The following HSPA12A variants were observed in gnomAD, a reference collection of about 807,000 sequenced individuals.
HSPA12A encodes the protein heat shock protein family A (Hsp70) member 12A, also known as heat shock 70 kDa protein 12A.
In HSPA12A, 28 loss-of-function variants were observed where a neutral mutation model predicts 69.2. The ratio of observed to expected loss-of-function variants is 0.40; its 90% CI spans 0.30 to 0.55. HSPA12A has a LOEUF of 0.55. Ranked by LOEUF, HSPA12A falls within the 20% of genes least tolerant of loss-of-function variation. HSPA12A has a pLI of 0.38. For missense variants in HSPA12A, 686 were observed against 900.7 expected (o/e 0.76, Z 3.05); for synonymous variants, 345 against 370.5 (o/e 0.93, Z 0.79).
chr10:116,836,295 G>C (rs1845709376), intron 1 of HSPA12A, among the ~76,000 whole-genome samples: 1 of 152,110 alleles, frequency 6.6e-6, no homozygotes, highest in Non-Finnish European at 1.5e-5. Context: ...TGCTAGGGAG[G>C]TTTAGACCTG....
chr10:116,829,213 A>C (rs1299117683), intron 2 of HSPA12A: 1 of 152,390 alleles, frequency 6.6e-6, no homozygotes. Context: ...AGTTTTATAA[A>C]TGGGAGTTTC....
At chr10:116,725,795 T>A (rs565212495) in intron 1 of HSPA12A, among the ~76,000 whole-genome samples, 6 of 152,198 alleles carry the variant, frequency 3.9e-5, no homozygotes, top group African/African-American at 1.4e-4. Context: ...TTCTGCCTCA[T>A]CGCTAATATT....
At chr10:116,822,843 A>C (rs1422658982) in intron 2 of HSPA12A, among the ~76,000 whole-genome samples, 1 of 152,206 alleles carries the variant, frequency 6.6e-6, no homozygotes, top group Non-Finnish European at 1.5e-5. Context: ...GACTAGAAGC[A>C]ATGGCCTGGA....
chr10:116,707,149 G>A lies in HSPA12A; in HGVS notation c.126+51C>T, dbSNP rs576338752. The stretch of plus-strand genomic sequence containing the variant: ...CGCACGTGTGCTCATGCGCACCCAT[G>A]CGCGCACACACACACACACACACAC... On this transcript the variant is annotated intron_variant, in intron 2 of 11. Coordinates refer to ENST00000369209, the MANE Select transcript of HSPA12A (RefSeq NM_025015.3). The A allele has an allele frequency of 2.0e-4, 89 of 446,538 alleles. No individual in the cohort carries two copies. The African/African-American group carries it at 2.8e-3, about 14-fold the overall frequency. 27.7% of individuals were successfully genotyped at this position (446,538 alleles called of 1,614,324 possible).
At chr10:116,835,982 T>C (rs1173920911) in intron 1 of HSPA12A, among the ~76,000 whole-genome samples, 4 of 151,994 alleles carry the variant, frequency 2.6e-5, no homozygotes, top group South Asian at 2.1e-4. Flanking sequence ...TAACAGTAAA[T>C]GGGGAAAGAG....
In HSPA12A at chr10:116,711,418, T is replaced by C. The variant is rs966121338; in HGVS notation, c.41-4133A>G. On this transcript the variant is annotated intron_variant, in intron 1 of 11. Transcript: ENST00000369209. ...GAAAATCCAGACCCTTCTGTGGAGG[T>C]AGAGAAGGAAGATTGCTAAAAGACA... Among the ~76,000 whole-genome samples the C allele has an allele frequency of 3.3e-5, 5 of 151,950 alleles. No individual in the cohort carries two copies. In the South Asian group the frequency reaches 8.3e-4, roughly 25 times the overall value.
At chr10:116,779,162 T>G (rs1164466433) in intron 2 of HSPA12A, among the ~76,000 whole-genome samples, 2 of 152,224 alleles carry the variant, frequency 1.3e-5, no homozygotes, top group African/African-American at 2.4e-5. Context: ...GTTGCTTCCC[T>G]TCGCAACATC....
rs544026793 is a variant in HSPA12A at position 116,824,924 on chromosome 10, A to G, written c.91+10011T>C. ...TGGGATTACAGGCATAAGCCACAGT[A>G]CCCGGCTAATCCCAGCACTTTGGAA... On this transcript the variant is annotated intron_variant, in intron 2 of 12. Transcript: ENST00000635765. 8.8e-4 allele frequency among the ~76,000 whole-genome samples: 133 copies of G among 151,602 alleles called. 2 individuals are homozygous for G. In the South Asian group the frequency reaches 0.026, roughly 30 times the overall value.
At chr10:116,778,331 T>C (rs1392802806) in intron 2 of HSPA12A, among the ~76,000 whole-genome samples, 1 of 152,218 alleles carries the variant, frequency 6.6e-6, no homozygotes, top group Non-Finnish European at 1.5e-5. Context: ...GCACTGACTA[T>C]TCCCCCCAAA....
At chr10:116,810,902 AT>A (rs996734757) in intron 2 of HSPA12A, among the ~76,000 whole-genome samples, 3 of 152,212 alleles carry the variant, frequency 2.0e-5, no homozygotes, top group African/African-American at 7.2e-5. Context: ...CATGCTAGGG[AT>A]TTAAGACACA....
intron 6 of HSPA12A, among the ~76,000 whole-genome samples, chr10:116,689,231 A>G (rs1554879842): frequency 5.5e-5 from 1 of 18,344 alleles, no homozygotes; most frequent in African/African-American, 2.6e-4. Context: ...GTTCAAGTTC[A>G]GCCCCCACCA....
intron 1 of HSPA12A, among the ~76,000 whole-genome samples, chr10:116,730,224 A>G (rs1554885540): frequency 6.6e-6 from 1 of 152,144 alleles, no homozygotes; most frequent in East Asian, 1.9e-4. Context: ...TTGACTGCAC[A>G]TGTTTTATGT....
rs1288752173 is a variant in HSPA12A, at chr10:116,686,437, T to G, written c.664-2475A>C. 6.6e-6 allele frequency among the ~76,000 whole-genome samples: 1 copy of G among 152,148 alleles called. No homozygotes were observed. Among genetic ancestry groups the G allele is most frequent in the African/African-American group, 2.4e-5 (1 of 41,420 alleles). On this transcript the variant is annotated intron_variant, in intron 6 of 11. Transcript: ENST00000369209. This position sits in a 1 kb window ranked among gnomAD's most constrained non-coding sequence, Gnocchi z 4.1. The stretch of plus-strand genomic sequence containing the variant: ...AAGGGACAACTTGCTGCAAAGAAAC[T>G]GCCAGGCCTGTATGTATACAATTCT...
intron 2 of HSPA12A, among the ~76,000 whole-genome samples, chr10:116,757,598 C>T (rs1554888899): frequency 6.6e-6 from 1 of 152,188 alleles, no homozygotes. Context: ...AGGCTGAAAC[C>T]AGGAAGAAAG....
intron 1 of HSPA12A, among the ~76,000 whole-genome samples, chr10:116,848,101 T>C (rs886327920): frequency 1.3e-5 from 2 of 152,218 alleles, no homozygotes; most frequent in Admixed American, 6.5e-5. Context: ...TCAGCTTATT[T>C]TGCATAAGGG....
intron 1 of HSPA12A, among the ~76,000 whole-genome samples, chr10:116,842,363 A>G (rs1319170108): frequency 1.3e-5 from 2 of 152,134 alleles, no homozygotes; most frequent in Non-Finnish European, 2.9e-5. Context: ...GCTGCCCCCT[A>G]TGTGGAAACT....
At position 116,701,135 on chromosome 10, in the gene HSPA12A, A is replaced by G; in HGVS notation, c.255-6T>C. 2 of 1,613,034 alleles carry G rather than the reference A, an allele frequency of 1.2e-6. No individual in the cohort carries two copies. Among genetic ancestry groups the G allele is most frequent in the Non-Finnish European group, 1.7e-6 (2 of 1,179,508 alleles). ...GGTCACCTCCCTCCCATCGCCTGCC[A>G]CCAAGGGAAGCAGAAGTTATGGGGC... On this transcript the variant is annotated splice_polypyrimidine_tract_variant and splice_region_variant and intron_variant, in intron 3 of 11. Coordinates refer to ENST00000369209, the MANE Select transcript of HSPA12A (RefSeq NM_025015.3).
chr10:116,768,869 A>T (rs551212014), intron 2 of HSPA12A, among the ~76,000 whole-genome samples: 3 of 151,936 alleles, frequency 2.0e-5, no homozygotes, highest in African/African-American at 7.3e-5. Context: ...ACAGCCCCCT[A>T]TTGCAGGGCC....
intron 1 of HSPA12A, among the ~76,000 whole-genome samples, chr10:116,736,031 C>A (rs1456664258): frequency 6.6e-6 from 1 of 152,042 alleles, no homozygotes; most frequent in Non-Finnish European, 1.5e-5. Flanking sequence ...TTGTTTTAAC[C>A]CATTAAACTT....
Sources: gnomAD v4.1 joint callset for allele counts (sites outside exome capture counted in the v4.1 genomes callset) on GRCh38, gnomAD v4.1.1 for gene constraint, Gnocchi (gnomAD v3.1) non-coding constraint, MANE v1.5 for transcripts, NCBI Gene and HGNC (gene_info 2026-07-23, HGNC 2026-07-21) for gene names.